Variants in CEP63 observed in about 807,000 individuals in gnomAD.
CEP63 encodes centrosomal protein 63.
CEP63 carries 84 observed loss-of-function variants against 89.1 expected under a neutral mutation model. That is an observed-to-expected ratio of 0.94 (90% CI 0.79 to 1.13). The LOEUF (loss-of-function observed/expected upper bound fraction) is 1.13, where lower values mean the gene tolerates loss of function less well. Ranked by LOEUF, CEP63 falls within the 50% of genes most tolerant of loss-of-function variation. The pLI is 0.00. For synonymous variants in CEP63, 267 were observed against 272.5 expected (o/e 0.98, Z 0.20); for missense variants, 838 against 813.3 (o/e 1.03, Z -0.37).
the CEP63 span, among the ~76,000 whole-genome samples, chr3:134,758,126 T>A: frequency 1.3e-5 from 2 of 152,142 alleles, no homozygotes; most frequent in Non-Finnish European, 2.9e-5. Flanking sequence ...TATAACCATG[T>A]ATTTGAAGCC....
the CEP63 span, among the ~76,000 whole-genome samples, chr3:134,675,825 G>T: frequency 6.6e-6 from 1 of 152,208 alleles, no homozygotes; most frequent in Admixed American, 6.5e-5. Context: ...AAATCACAAT[G>T]AGGTATCACT....
chr3:134,527,590 C>T (rs1005753021), intron 3 of CEP63, among the ~76,000 whole-genome samples: 2 of 152,214 alleles, frequency 1.3e-5, no homozygotes, highest in Non-Finnish European at 2.9e-5. Flanking sequence ...GGCATAGGCA[C>T]ATGCCAGCAA....
At chr3:134,652,530 G>A in the CEP63 span, among the ~76,000 whole-genome samples, 1 of 151,100 alleles carries the variant, frequency 6.6e-6, no homozygotes, top group Non-Finnish European at 1.5e-5. Flanking sequence ...TGTTGAACTG[G>A]AGTCCCTAGA....
the CEP63 span, chr3:134,619,099 G>T: frequency 6.9e-7 from 1 of 1,449,888 alleles, no homozygotes; most frequent in Non-Finnish European, 9.7e-7. Flanking sequence ...TGTGGAAGAG[G>T]GAGAGGGATG....
At chr3:134,491,457 G>A (rs768246435) in intron 1 of CEP63, among the ~76,000 whole-genome samples, 22 of 152,068 alleles carry the variant, frequency 1.4e-4, no homozygotes, top group Non-Finnish European at 2.5e-4. Context: ...GTAATTAACC[G>A]TTTGTGGTAA....
the CEP63 span, among the ~76,000 whole-genome samples, chr3:134,687,565 T>C: frequency 6.6e-6 from 1 of 152,178 alleles, no homozygotes; most frequent in African/African-American, 2.4e-5. Context: ...AGATGAGACC[T>C]TGGATGTGTT....
At chr3:134,658,832 G>A in the CEP63 span, among the ~76,000 whole-genome samples, 1 of 152,164 alleles carries the variant, frequency 6.6e-6, no homozygotes, top group South Asian at 2.1e-4. Flanking sequence ...CACCAGCCCT[G>A]CTCCCTGCTC....
the CEP63 span, among the ~76,000 whole-genome samples, chr3:134,636,513 T>C: frequency 2.6e-5 from 4 of 152,162 alleles, no homozygotes; most frequent in African/African-American, 9.7e-5. Flanking sequence ...AGCCAGGTTG[T>C]AGATGAGAGC....
the CEP63 span, among the ~76,000 whole-genome samples, chr3:134,641,976 A>C: frequency 2.6e-5 from 4 of 152,192 alleles, no homozygotes; most frequent in South Asian, 8.3e-4. Flanking sequence ...AGTTCATTTT[A>C]GAGAAGCAAC....
chr3:134,752,373 G>A, the CEP63 span, among the ~76,000 whole-genome samples: 2 of 152,092 alleles, frequency 1.3e-5, no homozygotes, highest in East Asian at 1.9e-4. Context: ...CAACACATAT[G>A]AGCTGCGTGC....
intron 6 of CEP63, among the ~76,000 whole-genome samples, chr3:134,541,050 A>G (rs1456116649): frequency 2.6e-5 from 4 of 152,058 alleles, no homozygotes; most frequent in Non-Finnish European, 4.4e-5. Context: ...CCAAAGTGCT[A>G]GGATTACAGG....
At chr3:134,552,935 A>G (rs531691477) in intron 12 of CEP63, 2 of 152,264 alleles carry the variant, frequency 1.3e-5, no homozygotes, top group South Asian at 2.1e-4. Context: ...TAAGAAATGC[A>G]TACAAGCTTC....
rs1950916207 is a variant in CEP63 at position 134,537,137 on chromosome 3, C to T, written c.442-18C>T. On this transcript the variant is annotated intron_variant, in intron 5 of 14. Transcript: ENST00000675561. ...AGGAGAAGCACTCAGAAATTAAGTA[C>T]TCTAATTGCCTCCTCAGGAATTCCG... 1 of 1,514,956 alleles carries T rather than the reference C, an allele frequency of 6.6e-7. No individual in the cohort carries two copies. The highest frequency in any genetic ancestry group is 1.4e-5 in the African/African-American group (1 of 72,966). The allele number at this position is 1,514,956 out of a possible 1,614,324, so 93.8% of individuals were successfully genotyped here. A position where few individuals can be genotyped will look rare whatever the true frequency, so the allele number is the denominator to read the frequency against.
intron 2 of CEP63, among the ~76,000 whole-genome samples, chr3:134,503,860 C>A (rs1392215707): frequency 6.6e-5 from 3 of 45,144 alleles, no homozygotes; most frequent in Non-Finnish European, 1.5e-4. Flanking sequence ...TCTTCATTTT[C>A]AGTTTATGCG....
chr3:134,515,596 T>G (rs1162039466), intron 3 of CEP63, among the ~76,000 whole-genome samples: 1 of 152,172 alleles, frequency 6.6e-6, no homozygotes, highest in Non-Finnish European at 1.5e-5. Flanking sequence ...AATGTGAAAT[T>G]TCAGGATATG....
the CEP63 span, among the ~76,000 whole-genome samples, chr3:134,708,962 C>T: frequency 6.6e-6 from 1 of 152,076 alleles, no homozygotes; most frequent in African/African-American, 2.4e-5. Flanking sequence ...GGGAGTCAGA[C>T]AGGACTTAGG....
chr3:134,645,803 C>T, the CEP63 span, among the ~76,000 whole-genome samples: 2 of 152,318 alleles, frequency 1.3e-5, no homozygotes, highest in Middle Eastern at 6.8e-3. Context: ...AGACCCACTT[C>T]ATGTCTTTTA....
chr3:134,651,894 T>G, the CEP63 span, among the ~76,000 whole-genome samples: 2 of 152,168 alleles, frequency 1.3e-5, no homozygotes, highest in Non-Finnish European at 2.9e-5. Flanking sequence ...GGCTTCTGCC[T>G]GGTACCCCTG....
chr3:134,704,293 A>T, the CEP63 span, among the ~76,000 whole-genome samples: 1 of 152,154 alleles, frequency 6.6e-6, no homozygotes, highest in Admixed American at 6.5e-5. Flanking sequence ...ATGCAAATTT[A>T]TGACTTCTCT....
Sources: gnomAD v4.1 joint callset for allele counts (sites outside exome capture counted in the v4.1 genomes callset) on GRCh38, gnomAD v4.1.1 for gene constraint, MANE v1.5 for transcripts, NCBI Gene and HGNC (gene_info 2026-07-23, HGNC 2026-07-21) for gene names.